The following ENTREP2 variants were observed in gnomAD, a reference collection of about 807,000 sequenced individuals.
ENTREP2 encodes the protein endosomal transmembrane epsin interactor 2, also known as protein ENTREP2.
chr15:29,317,835 G>T, the ENTREP2 span, among the ~76,000 whole-genome samples: 1 of 152,158 alleles, frequency 6.6e-6, no homozygotes, highest in East Asian at 1.9e-4. Context: ...ATGAAGAGAA[G>T]AATTCTCAGC....
chr15:29,415,890 T>C, the ENTREP2 span, among the ~76,000 whole-genome samples: 2 of 152,134 alleles, frequency 1.3e-5, no homozygotes, highest in African/African-American at 4.8e-5. Context: ...TGAACTCCCA[T>C]TCACAACTGC....
At chr15:29,429,717 A>C in the ENTREP2 span, among the ~76,000 whole-genome samples, 1 of 152,220 alleles carries the variant, frequency 6.6e-6, no homozygotes, top group Non-Finnish European at 1.5e-5. Context: ...ACGGACAGCC[A>C]TGAGCTGAAA....
At chr15:29,408,039 G>A in the ENTREP2 span, among the ~76,000 whole-genome samples, 1 of 152,038 alleles carries the variant, frequency 6.6e-6, no homozygotes, top group African/African-American at 2.4e-5. Context: ...TACAGTAGGT[G>A]AAATCTGAGG....
chr15:29,516,673 A>T, the ENTREP2 span, among the ~76,000 whole-genome samples: 1 of 152,188 alleles, frequency 6.6e-6, no homozygotes, highest in African/African-American at 2.4e-5. Context: ...GAAGATGTGA[A>T]GCAATTATGG....
the ENTREP2 span, among the ~76,000 whole-genome samples, chr15:29,330,582 C>T: frequency 8.5e-5 from 13 of 152,290 alleles, no homozygotes; most frequent in East Asian, 2.1e-3. Context: ...CTGCTCAACA[C>T]TGTCGAGGTC....
At chr15:29,643,700 G>C in the ENTREP2 span, among the ~76,000 whole-genome samples, 1 of 151,020 alleles carries the variant, frequency 6.6e-6, no homozygotes, top group Non-Finnish European at 1.5e-5. Flanking sequence ...AGAATGATGG[G>C]AACCTGGGAG....
chr15:29,564,527 C>T, the ENTREP2 span, among the ~76,000 whole-genome samples: 1 of 152,188 alleles, frequency 6.6e-6, no homozygotes, highest in Admixed American at 6.5e-5. Context: ...TCTCCAAGGC[C>T]TCTGCCACCA....
chr15:29,439,945 G>C, the ENTREP2 span, among the ~76,000 whole-genome samples: 2 of 152,120 alleles, frequency 1.3e-5, no homozygotes, highest in Admixed American at 6.5e-5. Context: ...TGTGATGAGG[G>C]GGGTACCTTA....
At chr15:29,254,183 A>AAT in the ENTREP2 span, among the ~76,000 whole-genome samples, 1 of 150,540 alleles carries the variant, frequency 6.6e-6, no homozygotes, top group South Asian at 2.1e-4. Flanking sequence ...AAAAAAAAAA[A>AAT]AAAAAAATTC....
the ENTREP2 span, among the ~76,000 whole-genome samples, chr15:29,199,641 TG>T: frequency 6.6e-6 from 1 of 152,218 alleles, no homozygotes; most frequent in Non-Finnish European, 1.5e-5. Flanking sequence ...ATATAGTACA[TG>T]GTTTTGTTAT....
the ENTREP2 span, among the ~76,000 whole-genome samples, chr15:29,180,394 A>T: frequency 6.6e-6 from 1 of 152,166 alleles, no homozygotes; most frequent in Admixed American, 6.5e-5. Context: ...GGCCAGGCGC[A>T]CTGGCTCACG....
the ENTREP2 span, chr15:29,151,862 G>T: frequency 6.6e-7 from 1 of 1,524,134 alleles, no homozygotes; most frequent in Non-Finnish European, 8.9e-7. Context: ...AGGTGCAGGA[G>T]AATGTCAGCC....
the ENTREP2 span, among the ~76,000 whole-genome samples, chr15:29,205,963 C>T: frequency 6.6e-6 from 1 of 152,198 alleles, no homozygotes; most frequent in East Asian, 1.9e-4. Flanking sequence ...CTCACTCAGT[C>T]CTTGTCCTGC....
At chr15:29,508,489 G>A in the ENTREP2 span, among the ~76,000 whole-genome samples, 218 of 152,240 alleles carry the variant, frequency 1.4e-3, 3 homozygotes, top group South Asian at 0.038. Flanking sequence ...ACACCAATGC[G>A]AAAATCCTCA....
At chr15:29,232,969 T>C in the ENTREP2 span, among the ~76,000 whole-genome samples, 1 of 152,262 alleles carries the variant, frequency 6.6e-6, no homozygotes, top group Non-Finnish European at 1.5e-5. Context: ...ATAGCCTTTT[T>C]AGTTTTTGAA....
chr15:29,603,003 G>A, the ENTREP2 span, among the ~76,000 whole-genome samples: 1 of 152,148 alleles, frequency 6.6e-6, no homozygotes, highest in Non-Finnish European at 1.5e-5. Flanking sequence ...GAGCACAGAG[G>A]GCAGAAAGAT....
the ENTREP2 span, among the ~76,000 whole-genome samples, chr15:29,437,492 AAC>A: frequency 1.3e-5 from 2 of 152,218 alleles, no homozygotes; most frequent in Non-Finnish European, 2.9e-5. Context: ...TTGCATCTCC[AAC>A]TTCTATTCTT....
the ENTREP2 span, among the ~76,000 whole-genome samples, chr15:29,647,173 T>C: frequency 6.6e-6 from 1 of 152,218 alleles, no homozygotes; most frequent in Non-Finnish European, 1.5e-5. Flanking sequence ...GGCTGGTACA[T>C]TGCAATTTAT....
the ENTREP2 span, among the ~76,000 whole-genome samples, chr15:29,216,676 G>A: frequency 5.9e-5 from 9 of 152,110 alleles, no homozygotes; most frequent in Non-Finnish European, 1.2e-4. Flanking sequence ...ATGAACTTAT[G>A]TTTCTAAACA....
Sources: allele counts gnomAD v4.1 joint callset (sites outside exome capture counted in the v4.1 genomes callset), GRCh38; gene constraint gnomAD v4.1.1; transcripts MANE v1.5; gene names NCBI Gene and HGNC (gene_info 2026-07-23, HGNC 2026-07-21).